DPP6: variants seen among roughly 807,000 people sequenced by gnomAD.
DPP6 encodes the protein A-type potassium channel modulatory protein DPP6.
In DPP6, 69 loss-of-function variants were observed where a neutral mutation model predicts 122.6. The ratio of observed to expected loss-of-function variants is 0.56; its 90% CI spans 0.46 to 0.69. The LOEUF is 0.69. DPP6 is among the 30% of genes least tolerant of loss of function. The pLI, the probability that DPP6 is intolerant of heterozygous loss-of-function variation, is 0.00. For synonymous variants in DPP6, 418 were observed against 433.1 expected (o/e 0.97, Z 0.43); for missense variants, 928 against 1,116.9 (o/e 0.83, Z 2.41).
chr7:154,710,704 A>G (rs1305325409), intron 7 of DPP6, among the ~76,000 whole-genome samples: 1 of 152,230 alleles, frequency 6.6e-6, no homozygotes, highest in African/African-American at 2.4e-5. Context: ...TCTAAAAGGT[A>G]CGTCTACAAG....
chr7:154,140,748 G>A (rs1186628169), intron 1 of DPP6, among the ~76,000 whole-genome samples: 3 of 152,098 alleles, frequency 2.0e-5, no homozygotes, highest in African/African-American at 4.8e-5. Flanking sequence ...ATTTTTTTAA[G>A]CCTCATTTCT....
At chr7:154,581,043 T>G (rs1832032417) in intron 5 of DPP6, among the ~76,000 whole-genome samples, 1 of 152,072 alleles carries the variant, frequency 6.6e-6, no homozygotes, top group South Asian at 2.1e-4. Flanking sequence ...TTTTTTCTGC[T>G]TGCCCTGCAT....
In DPP6 at chr7:154,224,000, C is replaced by T. The variant is rs961074023; in HGVS notation, c.243+170937C>T. Reference sequence around the variant, plus strand: ...ACACTGTGGCCCAGACAGGGACACACAGCCTGACTGTTCCTAGGAGAACAC... The same window carrying T: ...ACACTGTGGCCCAGACAGGGACACATAGCCTGACTGTTCCTAGGAGAACAC... On this transcript the variant is annotated intron_variant, in intron 1 of 25. Coordinates refer to ENST00000377770, the MANE Select transcript of DPP6 (RefSeq NM_130797.4). Among the ~76,000 whole-genome samples the T allele has an allele frequency of 9.6e-5, 14 of 146,400 alleles. 2 individuals carry two copies. The highest frequency in any genetic ancestry group is 3.4e-4 in the African/African-American group (13 of 38,118).
intron 17 of DPP6, among the ~76,000 whole-genome samples, chr7:154,859,924 G>C (rs927692878): frequency 6.6e-6 from 1 of 152,232 alleles, no homozygotes; most frequent in Non-Finnish European, 1.5e-5. Flanking sequence ...GTGTGGCGGG[G>C]TTGAAGCTGG....
At chr7:154,188,643 C>T (rs1798466615) in intron 1 of DPP6, among the ~76,000 whole-genome samples, 1 of 152,180 alleles carries the variant, frequency 6.6e-6, no homozygotes, top group South Asian at 2.1e-4. Flanking sequence ...GTGAGCTTTT[C>T]ATTATGCTTT....
chr7:154,446,019 C>T (rs115139930), intron 1 of DPP6, among the ~76,000 whole-genome samples, 195 bp from the exon 2 acceptor site: 127 of 152,228 alleles, frequency 8.3e-4, no homozygotes, highest in Middle Eastern at 3.4e-3. Context: ...AAATGACAGC[C>T]GAAGGCTTTG....
At chr7:154,178,028 T>G (rs565815375) in intron 1 of DPP6, among the ~76,000 whole-genome samples, 2 of 152,192 alleles carry the variant, frequency 1.3e-5, no homozygotes, top group East Asian at 3.9e-4. Flanking sequence ...GGTCACTGAG[T>G]GGTTTCACTC....
rs575500184 is a variant in DPP6, at chr7:154,060,537, A to T, written c.243+7474A>T. 1.1e-4 allele frequency among the ~76,000 whole-genome samples: 15 copies of T among 133,624 alleles called. 1 individual carries two copies. The South Asian group carries it at 3.3e-3, about 29-fold the overall frequency. The allele number at this position is 133,624 out of a possible 152,430, so 87.7% of individuals were successfully genotyped here. ...GGAGGACTGCGGGTGTTAGGTGTCC[A>T]AGTAGAAAGTTCAAATCTTCCGACG... On this transcript the variant is annotated intron_variant, in intron 1 of 25. Transcript: ENST00000377770.
chr7:153,755,431 C>A, the DPP6 span, among the ~76,000 whole-genome samples: 396 of 144,422 alleles, frequency 2.7e-3, 3 homozygotes, highest in Admixed American at 5.8e-3. Context: ...CCCAGTGTTA[C>A]ATTTTCCAAA....
chr7:154,619,373 C>G (rs1301840727), intron 5 of DPP6, among the ~76,000 whole-genome samples: 2 of 152,166 alleles, frequency 1.3e-5, no homozygotes, highest in African/African-American at 4.8e-5. Flanking sequence ...TTAATGGTAT[C>G]TAGGTTGGAT....
At chr7:154,831,051 C>T (rs896795679) in intron 16 of DPP6, among the ~76,000 whole-genome samples, 5 of 152,206 alleles carry the variant, frequency 3.3e-5, no homozygotes, top group Admixed American at 6.5e-5. Flanking sequence ...CGTGTCATCC[C>T]CACGGTGAGT....
intron 1 of DPP6, among the ~76,000 whole-genome samples, chr7:154,063,921 A>T (rs1802491404): frequency 6.6e-6 from 1 of 151,784 alleles, no homozygotes; most frequent in African/African-American, 2.4e-5. Flanking sequence ...AGTCTCGGGA[A>T]GCCTCCAGGG....
intron 16 of DPP6, 79 bp from the exon 17 acceptor site, chr7:154,853,701 A>G: frequency 1.3e-6 from 2 of 1,553,084 alleles, no homozygotes; most frequent in Middle Eastern, 1.7e-4. Flanking sequence ...GTGGCATAAG[A>G]AAAGCCTGTT....
At chr7:154,130,155 A>G (rs1474467233) in intron 1 of DPP6, among the ~76,000 whole-genome samples, 3 of 152,112 alleles carry the variant, frequency 2.0e-5, no homozygotes, top group African/African-American at 7.2e-5. Flanking sequence ...CAAAGAGGAC[A>G]TGGAAGCTTA....
the DPP6 span, among the ~76,000 whole-genome samples, chr7:153,786,007 A>G: frequency 2.0e-5 from 3 of 151,950 alleles, no homozygotes; most frequent in Non-Finnish European, 1.5e-5. Flanking sequence ...TTTCAAATGT[A>G]ATAGTTTATC....
chr7:154,598,118 G>T (rs1476196839), intron 5 of DPP6, among the ~76,000 whole-genome samples: 1 of 152,086 alleles, frequency 6.6e-6, no homozygotes, highest in Non-Finnish European at 1.5e-5. Flanking sequence ...GAGAAAATTT[G>T]GTAATTGTCT....
intron 18 of DPP6, among the ~76,000 whole-genome samples, chr7:154,868,881 C>A (rs1256413208): frequency 6.6e-6 from 1 of 152,260 alleles, no homozygotes; most frequent in East Asian, 1.9e-4. Flanking sequence ...GACTTCCCCA[C>A]CTCTATGCAT....
chr7:153,815,449 T>C, the DPP6 span, among the ~76,000 whole-genome samples: 1 of 152,136 alleles, frequency 6.6e-6, no homozygotes, highest in Non-Finnish European at 1.5e-5. Context: ...ACATGTGCCA[T>C]GTTGGTGTGC....
At chr7:154,034,225 C>A (rs1187964668) in intron 1 of DPP6, among the ~76,000 whole-genome samples, 1 of 152,130 alleles carries the variant, frequency 6.6e-6, no homozygotes, top group East Asian at 1.9e-4. Flanking sequence ...CTGGTCAAAT[C>A]CTTCATAGCA....
Sources: allele counts gnomAD v4.1 joint callset (sites outside exome capture counted in the v4.1 genomes callset), GRCh38; gene constraint gnomAD v4.1.1; transcripts MANE v1.5; gene names NCBI Gene and HGNC (gene_info 2026-07-23, HGNC 2026-07-21).